The following PRKD1 variants were observed in gnomAD, a reference collection of about 807,000 sequenced individuals.
The protein encoded by PRKD1 is serine/threonine-protein kinase D1.
Under a neutral mutation model 95.9 loss-of-function variants are expected in PRKD1, and 63 were observed. That is an observed-to-expected ratio of 0.66 (90% confidence interval 0.54 to 0.81). PRKD1 has a LOEUF of 0.81. Among genes scored for constraint, PRKD1 ranks in the 30% least tolerant of loss-of-function variants. The pLI, the probability that PRKD1 is intolerant of heterozygous loss-of-function variation, is 0.00. For synonymous variants in PRKD1, 425 were observed against 423.1 expected, an observed-to-expected ratio of 1.00 and a Z score of -0.05; for missense variants, 1,048 against 1,165.3, an observed-to-expected ratio of 0.90 and a Z score of 1.47.
At chr14:29,898,391 G>A (rs905493335) in intron 1 of PRKD1, among the ~76,000 whole-genome samples, 2 of 152,078 alleles carry the variant, frequency 1.3e-5, no homozygotes, top group Non-Finnish European at 2.9e-5. Context: ...TGGTAAGTAA[G>A]TTCTTCAGGG....
intron 14 of PRKD1, 82 bp downstream of exon 14, chr14:29,599,574 C>T (rs1456091444): frequency 7.3e-7 from 1 of 1,373,176 alleles, no homozygotes; most frequent in Non-Finnish European, 1.0e-6. Context: ...GACTAAACAA[C>T]AAGGCTAGAA....
intron 1 of PRKD1, among the ~76,000 whole-genome samples, chr14:29,847,877 T>C (rs76642795): frequency 2.3e-4 from 34 of 150,112 alleles, no homozygotes; most frequent in Admixed American, 4.7e-4. Flanking sequence ...TCTCTCTCTC[T>C]CCCCCCCCAC....
Position 29,927,366 on chromosome 14 carries a change from G to A in PRKD1, c.147C>T (p.Ile49=). ...LAPVAAPVGG[I]SFHLQIGLSR... ...TCAGGCCGATCTGCAGATGGAACGA[G>A]ATGCCCCCGACCGGGGCCGCGACAG... The change falls in exon 1 of 18, where the codon ATC becomes ATT. Residue 49 remains isoleucine (I), a synonymous_variant. Coordinates refer to ENST00000331968, the MANE Select transcript of PRKD1 (RefSeq NM_002742.3). 6.4e-7 allele frequency: 1 copy of A among 1,563,376 alleles called. No individual in the cohort carries two copies.
intron 1 of PRKD1, among the ~76,000 whole-genome samples, chr14:29,812,782 G>A (rs530255955): frequency 6.6e-6 from 1 of 152,154 alleles, no homozygotes; most frequent in African/African-American, 2.4e-5. Context: ...GGGACACAGA[G>A]CCAAACCATA....
intron 1 of PRKD1, among the ~76,000 whole-genome samples, chr14:29,924,275 T>G (rs1594631485): frequency 6.6e-6 from 1 of 152,302 alleles, no homozygotes; most frequent in South Asian, 2.1e-4. Context: ...AGTATATACT[T>G]AGGGTACGTT....
At chr14:29,707,197 A>C (rs994340110) in intron 2 of PRKD1, among the ~76,000 whole-genome samples, 4 of 152,194 alleles carry the variant, frequency 2.6e-5, no homozygotes, top group Non-Finnish European at 5.9e-5. Context: ...TTTTATATAG[A>C]GAAATATTGT....
intron 1 of PRKD1, among the ~76,000 whole-genome samples, chr14:29,872,656 TAAA>T (rs535984977): frequency 1.7e-5 from 2 of 118,904 alleles, no homozygotes; most frequent in Non-Finnish European, 1.8e-5. Context: ...ACTTTGTCTC[TAAA>T]AAAAAAAAAA....
intron 1 of PRKD1, among the ~76,000 whole-genome samples, chr14:29,846,054 CAT>C (rs1892065815): frequency 6.6e-6 from 1 of 152,046 alleles, no homozygotes; most frequent in South Asian, 2.1e-4. Context: ...ACTATACATA[CAT>C]GTTATACCCA....
In PRKD1 at chr14:29,732,396, A is replaced by G. The variant is rs561649630; in HGVS notation, c.265-6722T>C. On this transcript the variant is annotated intron_variant, in intron 1 of 17. Coordinates refer to ENST00000331968, the MANE Select transcript of PRKD1 (RefSeq NM_002742.3). ...TCACACACAATGACCTTAAAGCTGT[A>G]TATTTCCATTTCTCCTCTTCCTGCC... Among the ~76,000 whole-genome samples the G allele has an allele frequency of 5.9e-5, 9 of 152,158 alleles. No homozygotes were observed. In the South Asian group the frequency reaches 6.2e-4, roughly 11 times the overall value.
chr14:29,906,351 C>T (rs138749638), intron 1 of PRKD1, among the ~76,000 whole-genome samples: 2 of 151,992 alleles, frequency 1.3e-5, no homozygotes, highest in Non-Finnish European at 2.9e-5. Context: ...CCAGCCTGGG[C>T]AACACAGGGA....
chr14:29,819,102 C>A (rs1212088104), intron 1 of PRKD1, among the ~76,000 whole-genome samples: 1 of 152,022 alleles, frequency 6.6e-6, no homozygotes, highest in East Asian at 1.9e-4. Context: ...GAGACAACAA[C>A]AAAATGCAGT....
At chr14:29,876,914 G>A (rs1893316110) in intron 1 of PRKD1, among the ~76,000 whole-genome samples, 1 of 152,160 alleles carries the variant, frequency 6.6e-6, no homozygotes, top group South Asian at 2.1e-4. Context: ...CACGTTGGGA[G>A]GCCGAGGCAG....
At chr14:29,927,150 G>A (rs1182577159) in intron 1 of PRKD1, 99 bp downstream of exon 1, 26 of 1,239,512 alleles carry the variant, frequency 2.1e-5, no homozygotes, top group Non-Finnish European at 2.5e-5. Flanking sequence ...GCGGCCAGCC[G>A]AGCCCCGGGA....
intron 2 of PRKD1, among the ~76,000 whole-genome samples, chr14:29,715,624 G>C (rs1885569328): frequency 6.6e-6 from 1 of 152,126 alleles, no homozygotes; most frequent in African/African-American, 2.4e-5. Context: ...AATTTGTGCT[G>C]TCCAATTCAG....
At chr14:29,793,308 CA>C (rs967212970) in intron 1 of PRKD1, among the ~76,000 whole-genome samples, 3 of 151,590 alleles carry the variant, frequency 2.0e-5, no homozygotes, top group Admixed American at 1.3e-4. Context: ...CAGGAAAAAA[CA>C]AAAAGAGCAA....
rs777090946 is a variant in PRKD1, at chr14:29,638,508, G to A, written c.966C>T (p.Gly322=). 1.4e-5 allele frequency: 22 copies of A among 1,613,990 alleles called. No homozygotes were observed. The highest frequency in any genetic ancestry group is 1.6e-4 in the Middle Eastern group (1 of 6,084). ...ACCTACCTCCATTAATGGTCACTTC[G>A]CCAAGGCAGTTGTTTGGTACTTTCG... is the stretch of plus-strand genomic sequence containing the variant. ...CAPKVPNNCL[G]EVTINGDLLS... The change falls in exon 6 of 18, where the codon GGC becomes GGT. Residue 322 remains glycine, a synonymous_variant. Transcript: ENST00000331968.
chr14:29,814,179 G>T (rs569501312), intron 1 of PRKD1, among the ~76,000 whole-genome samples: 1 of 152,110 alleles, frequency 6.6e-6, no homozygotes, highest in Non-Finnish European at 1.5e-5. Context: ...ATTAGAGAAG[G>T]AACCACAAAT....
chr14:29,758,896 T>C (rs920783006), intron 1 of PRKD1, among the ~76,000 whole-genome samples: 3 of 152,240 alleles, frequency 2.0e-5, no homozygotes, highest in Non-Finnish European at 4.4e-5. Flanking sequence ...TTATTTTCCA[T>C]ACTGCAAATA....
Position 29,638,777 on chromosome 14 carries a change from A to G in PRKD1, c.824T>C (p.Ile275Thr), listed in dbSNP as rs754778936. The G allele has an allele frequency of 1.2e-6, 2 of 1,613,846 alleles. No individual in the cohort carries two copies. Among genetic ancestry groups the G allele is most frequent in the Non-Finnish European group, 1.7e-6 (2 of 1,179,908 alleles). ...CACTGTGGGCCGGGTGTAGGAGTGG[A>G]TGACAAATGTGTGCGGCACTTTAAC... Reference protein sequence around the residue: ...SKVKVPHTFVIHSYTRPTVCQ... With the variant: ...SKVKVPHTFVTHSYTRPTVCQ... The change falls in exon 5 of 18, where the codon ATC becomes ACC. Residue 275 changes from isoleucine to threonine, a missense_variant. Ile to Thr is a moderately conservative substitution (Grantham distance 89). Transcript: ENST00000331968.
Sources: allele counts gnomAD v4.1 joint callset (sites outside exome capture counted in the v4.1 genomes callset), GRCh38; gene constraint gnomAD v4.1.1; transcripts MANE v1.5; gene names NCBI Gene and HGNC (gene_info 2026-07-23, HGNC 2026-07-21).